MS4A4E: variants seen among roughly 807,000 people sequenced by gnomAD.
MS4A4E encodes the protein membrane spanning 4-domains A4E.
Under a neutral mutation model 13.3 loss-of-function variants are expected in MS4A4E, and 23 were observed. The ratio of observed to expected loss-of-function variants is 1.73; its 90% CI spans 1.25 to 2.45. The LOEUF is 2.45. Ranked by LOEUF, MS4A4E falls within the 30% of genes most tolerant of loss-of-function variation. MS4A4E has a pLI of 0.00. For synonymous variants in MS4A4E, 36 were observed against 45.6 expected, an observed-to-expected ratio of 0.79 and a Z score of 0.85; for missense variants, 144 against 131.2, an observed-to-expected ratio of 1.10 and a Z score of -0.48.
intron 3 of MS4A4E, among the ~76,000 whole-genome samples, chr11:60,221,389 T>C (rs584469): frequency 0.42 from 63,499 of 152,012 alleles, 13,675 homozygotes; most frequent in Admixed American, 0.42. Flanking sequence ...TCCCCATTCC[T>C]GCCACACTGC....
chr11:60,234,940 A>G (rs974379102), intron 1 of MS4A4E, among the ~76,000 whole-genome samples: 1 of 152,170 alleles, frequency 6.6e-6, no homozygotes, highest in Non-Finnish European at 1.5e-5. Context: ...AAGAAAAAAC[A>G]CAGGCTGAAA....
chr11:60,225,954 A>C (rs1026839905), intron 3 of MS4A4E, among the ~76,000 whole-genome samples: 2 of 151,948 alleles, frequency 1.3e-5, no homozygotes, highest in Admixed American at 1.3e-4. Flanking sequence ...CAGATTACTC[A>C]TAAGTGAAAG....
At position 60,233,067 on chromosome 11, in the gene MS4A4E, C is replaced by T. The variant is rs574553646; in HGVS notation, c.-16-2996G>A. On this transcript the variant is annotated intron_variant, in intron 1 of 8. Transcript: ENST00000651255. ...CCGGAACTGACCTGTCCCCTGGAGT[C>T]CAAGCTTCTGAGAAACCCTGACTCC... Among the ~76,000 whole-genome samples, 5 of 152,192 alleles carry T rather than the reference C, an allele frequency of 3.3e-5. No homozygotes were observed. The South Asian group carries it at 1.0e-3, about 32-fold the overall frequency.
rs186135156 is a variant in MS4A4E at position 60,201,640 on chromosome 11, G to A, written c.899C>T (p.Pro300Leu). The change falls in exon 9 of 9, where the codon CCG (proline) becomes CTG (leucine). Residue 300 changes from proline (P) to leucine (L), a missense_variant. This residue lies in a region of MS4A4E where 21 missense variants were observed against 25.1 expected (regional missense o/e 0.84). Transcript: ENST00000651255. ...CCACTTCCTAGATGGGATGGCAGCC[G>A]GGCAGAGACGCTCCTCACTTTCCAG... is the stretch of plus-strand genomic sequence containing the variant. ...PSLESEERLC[P>L]AAIPSRKWGA... The A allele has an allele frequency of 6.9e-3, 2,124 of 309,700 alleles. 20 individuals carry two copies. Among genetic ancestry groups the A allele is most frequent in the African/African-American group, 0.021 (925 of 43,210 alleles). The allele number at this position is 309,700 out of a possible 1,614,324, so 19.2% of individuals were successfully genotyped here.
intron 6 of MS4A4E, among the ~76,000 whole-genome samples, chr11:60,207,741 A>G (rs2084065910): frequency 6.6e-6 from 1 of 152,148 alleles, no homozygotes; most frequent in African/African-American, 2.4e-5. Context: ...CTAGGAGGAT[A>G]TCCCACCCCA....
chr11:60,231,361 TTAAGA>T (rs1326490477), intron 1 of MS4A4E, among the ~76,000 whole-genome samples: 7 of 151,920 alleles, frequency 4.6e-5, no homozygotes, highest in African/African-American at 1.7e-4. Flanking sequence ...ATTGAAGTAG[TTAAGA>T]TAAGGACTTA....
At chr11:60,242,850 G>A in intron 1 of MS4A4E, 108 bp downstream of exon 1, 1 of 730,596 alleles carries the variant, frequency 1.4e-6, no homozygotes, top group Non-Finnish European at 2.2e-6. Context: ...TTGGGTCATG[G>A]GAAGTGACCT....
rs386373909 is a variant in MS4A4E, at chr11:60,206,519, A to ACG, written c.484-700_484-699insCG. Among the ~76,000 whole-genome samples the ACG allele has an allele frequency of 2.7e-3, 381 of 143,200 alleles. 4 individuals carry two copies. Among genetic ancestry groups the ACG allele is most frequent in the Non-Finnish European group, 4.4e-3 (296 of 66,550 alleles). The allele number at this position is 143,200 out of a possible 152,430, so 93.9% of individuals were successfully genotyped here. On this transcript the variant is annotated intron_variant, in intron 6 of 8. Coordinates refer to ENST00000651255, the MANE Select transcript of MS4A4E (RefSeq NM_001393391.1). ...TATATACGTATATATATATACACACACACACACACAGAGGTCATAATTGGA... is the reference window on the plus strand; with the variant it reads ...TATATACGTATATATATATACACACACGCACACACACAGAGGTCATAATTGGA...
intron 1 of MS4A4E, among the ~76,000 whole-genome samples, chr11:60,236,346 G>A (rs1258184476): frequency 6.6e-6 from 1 of 152,082 alleles, no homozygotes; most frequent in Admixed American, 6.6e-5. Context: ...AAGGTTGCTT[G>A]AATTTTTTAT....
chr11:60,232,321 A>ACACACACACACACACACACACACC (rs556719466), intron 1 of MS4A4E, among the ~76,000 whole-genome samples: 3 of 147,324 alleles, frequency 2.0e-5, no homozygotes, highest in South Asian at 2.2e-4. Context: ...ACACACACAC[A>ACACACACACACACACACACACACC]CCAAAAATGA....
chr11:60,210,693 T>C (rs2084109413), intron 5 of MS4A4E, among the ~76,000 whole-genome samples: 1 of 151,986 alleles, frequency 6.6e-6, no homozygotes, highest in East Asian at 1.9e-4. Context: ...CTTTCTTATG[T>C]CTACCAGGGT....
At chr11:60,221,760 TG>T (rs2084273012) in intron 3 of MS4A4E, among the ~76,000 whole-genome samples, 1 of 152,230 alleles carries the variant, frequency 6.6e-6, no homozygotes, top group Non-Finnish European at 1.5e-5. Context: ...AAATAAATTT[TG>T]GGAAGAGGTA....
chr11:60,229,185 T>C (rs2084377969), intron 2 of MS4A4E, among the ~76,000 whole-genome samples: 1 of 152,224 alleles, frequency 6.6e-6, no homozygotes, highest in South Asian at 2.1e-4. Flanking sequence ...TCTTTAAGCC[T>C]AAAACTGCTC....
intron 1 of MS4A4E, among the ~76,000 whole-genome samples, chr11:60,236,974 G>C (rs1263513551): frequency 6.6e-6 from 1 of 152,132 alleles, no homozygotes; most frequent in African/African-American, 2.4e-5. Flanking sequence ...GACCTCAGGT[G>C]ATCCATCCAC....
intron 2 of MS4A4E, among the ~76,000 whole-genome samples, 156 bp downstream of exon 2, chr11:60,229,756 T>C (rs921581478): frequency 6.6e-6 from 1 of 152,208 alleles, no homozygotes; most frequent in Admixed American, 6.5e-5. Context: ...GAATATTATA[T>C]ATTTTTTCAA....
chr11:60,206,691 G>T, intron 6 of MS4A4E: 1 of 232,088 alleles, frequency 4.3e-6, no homozygotes, highest in South Asian at 7.9e-5. Context: ...TGTCTTAAGT[G>T]GTGTGGGAGA....
chr11:60,217,488 G>T (rs533168951), intron 3 of MS4A4E, among the ~76,000 whole-genome samples: 119 of 152,144 alleles, frequency 7.8e-4, no homozygotes, highest in Non-Finnish European at 1.6e-3. Context: ...ACTGCCATCA[G>T]CCTTTTCACC....
At chr11:60,233,257 C>T (rs2084436065) in intron 1 of MS4A4E, among the ~76,000 whole-genome samples, 1 of 152,156 alleles carries the variant, frequency 6.6e-6, no homozygotes, top group African/African-American at 2.4e-5. Context: ...TGTGGCACTC[C>T]ATTCCCCAGG....
At chr11:60,241,026 C>T (rs201677119) in intron 1 of MS4A4E, among the ~76,000 whole-genome samples, 15 of 129,400 alleles carry the variant, frequency 1.2e-4, no homozygotes, top group African/African-American at 2.1e-4. Flanking sequence ...TATTTATTTA[C>T]TTATTTATTT....
Sources: allele counts gnomAD v4.1 joint callset (sites outside exome capture counted in the v4.1 genomes callset), GRCh38; gene constraint gnomAD v4.1.1; regional missense constraint gnomAD v4.1.1; transcripts MANE v1.5; gene names NCBI Gene and HGNC (gene_info 2026-07-23, HGNC 2026-07-21).